The following CHN2 variants were observed in gnomAD, a reference collection of about 807,000 sequenced individuals.
CHN2 encodes the protein chimerin 2.
CHN2 carries 35 observed loss-of-function variants against 56.3 expected under a neutral mutation model. The observed-to-expected ratio is 0.62, with a 90% CI of 0.47 to 0.82. CHN2 has a LOEUF of 0.82. CHN2 is among the 40% of genes least tolerant of loss of function. The probability of loss-of-function intolerance (pLI) is 0.00; values close to 1 mark genes in which losing one functional copy is unlikely to be tolerated. For synonymous variants in CHN2, 210 were observed against 212.8 expected (o/e 0.99, Z 0.12); for missense variants, 491 against 580.5 (o/e 0.85, Z 1.58).
intron 6 of CHN2, among the ~76,000 whole-genome samples, chr7:29,478,136 T>C (rs1367184181): frequency 6.6e-6 from 1 of 152,116 alleles, no homozygotes; most frequent in Non-Finnish European, 1.5e-5. Flanking sequence ...GGGAAGTCCT[T>C]TTGGAAAGGG....
chr7:29,388,887 C>T (rs1192888008), intron 3 of CHN2, among the ~76,000 whole-genome samples: 1 of 152,150 alleles, frequency 6.6e-6, no homozygotes, highest in Non-Finnish European at 1.5e-5. Context: ...AGCCCATCTC[C>T]AGTAGTCACA....
chr7:29,456,678 G>GGC (rs1234903876), intron 6 of CHN2, among the ~76,000 whole-genome samples: 2 of 150,140 alleles, frequency 1.3e-5, no homozygotes, highest in Non-Finnish European at 3.0e-5. Flanking sequence ...TCTGAGGTGG[G>GGC]GCCCAGAAGT....
At chr7:29,341,307 G>A (rs764069623) in intron 1 of CHN2, among the ~76,000 whole-genome samples, 36 of 152,334 alleles carry the variant, frequency 2.4e-4, no homozygotes, top group Non-Finnish European at 4.4e-4. Flanking sequence ...AAACAAGGAT[G>A]TGGCAAGCAT....
intron 1 of CHN2, among the ~76,000 whole-genome samples, chr7:29,291,045 A>G (rs975693315): frequency 1.3e-5 from 2 of 152,098 alleles, no homozygotes; most frequent in African/African-American, 4.8e-5. Flanking sequence ...TTGCATGCAC[A>G]GTGTCCCGCC....
chr7:29,453,621 CA>C (rs1784552479), intron 6 of CHN2, among the ~76,000 whole-genome samples: 1 of 152,092 alleles, frequency 6.6e-6, no homozygotes, highest in Admixed American at 6.5e-5. Flanking sequence ...CTGCTTGTAC[CA>C]AAGAAGCATC....
rs1789771481 is a variant in CHN2, at chr7:29,499,996, G to C, written c.869G>C (p.Arg290Thr). Residue 290 changes from arginine to threonine, a missense_variant, in exon 9 of 13, where the codon AGA becomes ACA. By Grantham distance (71) the Arg-to-Thr change is moderately conservative. Transcript: ENST00000222792. ...CTTGTGAAGGCTCACAACACTCAGAGACCCATGGTGGTAGACATATGCATT... is the reference window on the plus strand; with the variant it reads ...CTTGTGAAGGCTCACAACACTCAGACACCCATGGTGGTAGACATATGCATT... The part of the protein sequence containing the change: ...TTLVKAHNTQ[R>T]PMVVDICIRE... 2 of 1,596,700 alleles carry C rather than the reference G, an allele frequency of 1.3e-6. No homozygotes were observed. Among genetic ancestry groups the C allele is most frequent in the East Asian group, 4.5e-5 (2 of 44,464 alleles).
In CHN2 at chr7:29,393,443, T is replaced by A. The variant is rs1801505555; in HGVS notation, c.145-236T>A. Among the ~76,000 whole-genome samples, 4 of 152,338 alleles carry A rather than the reference T, an allele frequency of 2.6e-5. No homozygotes were observed. The South Asian group carries it at 8.3e-4, about 32-fold the overall frequency. Reference sequence around the variant, plus strand: ...CGCTTTGTTTTTGTTGAAAATTCTCTTATTGGATGATTGGGTTTGGGTGGG... The same window carrying A: ...CGCTTTGTTTTTGTTGAAAATTCTCATATTGGATGATTGGGTTTGGGTGGG... On this transcript the variant is annotated intron_variant, in intron 3 of 12. Coordinates refer to ENST00000222792, the MANE Select transcript of CHN2 (RefSeq NM_004067.4).
At chr7:29,473,470 G>GTTTTTTTTTTTT (rs765290417) in intron 6 of CHN2, among the ~76,000 whole-genome samples, 8 of 93,498 alleles carry the variant, frequency 8.6e-5, no homozygotes, top group Admixed American at 2.0e-4. Context: ...GTGTGTTTGT[G>GTTTTTTTTTTTT]TTTTTTTTTT....
At chr7:29,347,408 G>C (rs559499703) in intron 1 of CHN2, among the ~76,000 whole-genome samples, 2 of 152,234 alleles carry the variant, frequency 1.3e-5, no homozygotes, top group East Asian at 3.9e-4. Context: ...AAAGGAAAGA[G>C]GTGTAATTGA....
chr7:29,281,241 C>T (rs1791689482), intron 1 of CHN2, among the ~76,000 whole-genome samples: 2 of 151,994 alleles, frequency 1.3e-5, no homozygotes, highest in South Asian at 4.2e-4. Context: ...CAAGCTAGCA[C>T]TGTGTGTGCA....
chr7:29,146,773 A>AT lies in CHN2; in HGVS notation c.162+32dup, dbSNP rs1377753622. 3 of 1,548,904 alleles carry AT rather than the reference A, an allele frequency of 1.9e-6. 1 individual carries two copies. The South Asian group carries it at 3.6e-5, about 18-fold the overall frequency. ...TGGTTTGTCCCTTTGTTTTATTTTG[A>AT]TTTTGTCTCCCAGTTTTTAAAAGCT... On this transcript the variant is annotated intron_variant, in intron 1 of 6. Coordinates refer to the CHN2 transcript ENST00000439384.
At chr7:29,334,969 T>A (rs1796506054) in intron 1 of CHN2, among the ~76,000 whole-genome samples, 1 of 152,238 alleles carries the variant, frequency 6.6e-6, no homozygotes, top group African/African-American at 2.4e-5. Context: ...CCGGAATGAT[T>A]CATTTCCTAA....
rs141817694 is a variant in CHN2, at chr7:29,338,252, T to G, written c.50-16373T>G. On this transcript the variant is annotated intron_variant, in intron 1 of 12. Transcript: ENST00000222792. ...GGGATACAAATGAGTTGGCCAACTT[T>G]GGGCAAGGCACCATCCTCTGTGGGC... 1.3e-3 allele frequency among the ~76,000 whole-genome samples: 192 copies of G among 152,310 alleles called. 1 individual carries two copies. The highest frequency in any genetic ancestry group is 0.01 in the Middle Eastern group (3 of 294).
intron 6 of CHN2, among the ~76,000 whole-genome samples, chr7:29,413,594 A>G (rs938894421): frequency 8.5e-5 from 13 of 152,160 alleles, no homozygotes; most frequent in Admixed American, 8.5e-4. Flanking sequence ...CTTCATGACA[A>G]CCCTTAACTT....
chr7:29,281,967 C>T (rs1791755919), intron 1 of CHN2, among the ~76,000 whole-genome samples: 1 of 152,208 alleles, frequency 6.6e-6, no homozygotes, highest in Non-Finnish European at 1.5e-5. Flanking sequence ...ACACTCAGGA[C>T]TCCCTCCCGC....
chr7:29,267,329 G>A (rs1052845169), intron 1 of CHN2, among the ~76,000 whole-genome samples: 2 of 151,186 alleles, frequency 1.3e-5, no homozygotes, highest in African/African-American at 4.9e-5. Context: ...TGCAACCTCT[G>A]CCTCCTGGGT....
intron 3 of CHN2, among the ~76,000 whole-genome samples, chr7:29,375,732 T>C (rs1800027773): frequency 6.6e-6 from 1 of 152,106 alleles, no homozygotes; most frequent in African/African-American, 2.4e-5. Flanking sequence ...GACACAATTG[T>C]TATGCGGAGG....
chr7:29,266,813 G>A (rs1329448302), intron 1 of CHN2, among the ~76,000 whole-genome samples: 1 of 152,114 alleles, frequency 6.6e-6, no homozygotes, highest in Non-Finnish European at 1.5e-5. Flanking sequence ...CCATCCCTTC[G>A]TATCCAAACT....
chr7:29,441,196 T>C (rs1172941707), intron 6 of CHN2, among the ~76,000 whole-genome samples: 1 of 152,170 alleles, frequency 6.6e-6, no homozygotes, highest in African/African-American at 2.4e-5. Flanking sequence ...GCCAAGAGCA[T>C]TCAATGGGAG....
Sources: gnomAD v4.1 joint callset for allele counts (sites outside exome capture counted in the v4.1 genomes callset) on GRCh38, gnomAD v4.1.1 for gene constraint, MANE v1.5 for transcripts, NCBI Gene and HGNC (gene_info 2026-07-23, HGNC 2026-07-21) for gene names.